The following EML1 variants were observed in gnomAD, a reference collection of about 807,000 sequenced individuals.
EML1 encodes the protein EMAP like 1, also known as echinoderm microtubule-associated protein-like 1.
Under a neutral mutation model 110.4 loss-of-function variants are expected in EML1, and 27 were observed. That is an observed-to-expected ratio of 0.24 (90% confidence interval 0.18 to 0.34). The LOEUF (loss-of-function observed/expected upper bound fraction) is 0.34, where lower values mean the gene tolerates loss of function less well. Among genes scored for constraint, EML1 ranks in the 10% least tolerant of loss-of-function variants. The probability of loss-of-function intolerance (pLI) is 1.00; values close to 1 mark genes in which losing one functional copy is unlikely to be tolerated. For synonymous variants in EML1, 344 were observed against 385.8 expected (o/e 0.89, Z 1.27); for missense variants, 741 against 1,030.9 (o/e 0.72, Z 3.85).
At chr14:99,875,358 G>A (rs1272780141) in intron 3 of EML1, among the ~76,000 whole-genome samples, 1 of 152,166 alleles carries the variant, frequency 6.6e-6, no homozygotes, top group Non-Finnish European at 1.5e-5. Context: ...TGTGAGGTTT[G>A]AATTAAGTAA....
At chr14:99,840,072 C>A (rs2058609300) in intron 1 of EML1, among the ~76,000 whole-genome samples, 1 of 152,110 alleles carries the variant, frequency 6.6e-6, no homozygotes, top group African/African-American at 2.4e-5. Flanking sequence ...TAGGATGACT[C>A]CGAATATGAC....
rs78342422 is a variant in EML1 at position 99,927,146 on chromosome 14, C to T, written c.1909+6269C>T. On this transcript the variant is annotated intron_variant, in intron 17 of 21. Coordinates refer to ENST00000262233, the MANE Select transcript of EML1 (RefSeq NM_004434.3). ...TCATCAGATGGCCAGTTATATGTTC[C>T]AGTTTTCAATTTACTTTTTTTTAAC... Among the ~76,000 whole-genome samples the T allele has an allele frequency of 5.3e-5, 8 of 152,270 alleles. No homozygotes were observed. The East Asian group carries it at 1.5e-3, about 29-fold the overall frequency.
In EML1 at chr14:99,856,718, A is replaced by G. The variant is rs551173664; in HGVS notation, c.250+5683A>G. ...AGTGATTTATAGAAAAGGGTTTAGT[A>G]GATGTTTGTAGTTTTTCAGAGATTA... On this transcript the variant is annotated intron_variant, in intron 2 of 21. Coordinates refer to ENST00000262233, the MANE Select transcript of EML1 (RefSeq NM_004434.3). Among the ~76,000 whole-genome samples the G allele has an allele frequency of 3.9e-5, 6 of 152,296 alleles. No individual in the cohort carries two copies. The East Asian group carries it at 1.2e-3, about 29-fold the overall frequency.
At chr14:99,802,772 AT>A (rs1294076909) in intron 1 of EML1, among the ~76,000 whole-genome samples, 5 of 152,104 alleles carry the variant, frequency 3.3e-5, no homozygotes, top group Non-Finnish European at 5.9e-5. Flanking sequence ...TGGGCTGGAC[AT>A]AACATTTGCG....
chr14:99,755,500 G>A (rs2057238713), intron 1 of EML1, among the ~76,000 whole-genome samples: 1 of 152,144 alleles, frequency 6.6e-6, no homozygotes, highest in Non-Finnish European at 1.5e-5. Flanking sequence ...CAGAAGAGAG[G>A]CTTCCAAGTG....
At chr14:99,891,693 C>G (rs1044802400) in intron 5 of EML1, among the ~76,000 whole-genome samples, 3 of 152,168 alleles carry the variant, frequency 2.0e-5, no homozygotes, top group Non-Finnish European at 1.5e-5. Flanking sequence ...ACTAATAGTT[C>G]ATGTATATCT....
rs141332461 is a variant in EML1, at chr14:99,859,656, C to T, written c.251-5858C>T. Among the ~76,000 whole-genome samples the T allele has an allele frequency of 7.0e-4, 106 of 152,250 alleles. 1 individual carries two copies. The highest frequency in any genetic ancestry group is 2.2e-3 in the African/African-American group (90 of 41,536). ...AGTTCCTTCCCCTCCTCTCCACTAC[C>T]TCCCCCACTCTGCCTTGGTGTAAGC... On this transcript the variant is annotated intron_variant, in intron 2 of 21. Transcript: ENST00000262233.
Position 99,914,766 on chromosome 14 carries a change from G to T in EML1, c.1752+69G>T, listed in dbSNP as rs935433577. 6.6e-6 allele frequency: 10 copies of T among 1,521,208 alleles called. No homozygotes were observed. In the East Asian group the frequency reaches 1.9e-4, roughly 29 times the overall value. 94.2% of individuals were successfully genotyped at this position (1,521,208 alleles called of 1,614,324 possible). ...TCTGGAACATGTTTATTTATTTTTT[G>T]CATGAAATCAACAGTGATACAAAGT... On this transcript the variant is annotated intron_variant, in intron 15 of 21. Transcript: ENST00000262233.
intron 1 of EML1, among the ~76,000 whole-genome samples, chr14:99,824,171 G>A (rs889181546): frequency 1.3e-5 from 2 of 152,006 alleles, no homozygotes; most frequent in East Asian, 3.9e-4. Flanking sequence ...TGTTGGTCTG[G>A]CTGGTCTCAA....
Position 99,940,687 on chromosome 14 carries a change from T to C in EML1, c.*575T>C, listed in dbSNP as rs2060573618. 6.6e-6 allele frequency: 1 copy of C among 152,240 alleles called. No individual in the cohort carries two copies. Among genetic ancestry groups the C allele is most frequent in the Non-Finnish European group, 1.5e-5 (1 of 68,036 alleles). 9.4% of individuals were successfully genotyped at this position (152,240 alleles called of 1,614,324 possible). On this transcript the variant is annotated 3_prime_UTR_variant, in exon 22 of 22. Coordinates refer to ENST00000262233, the MANE Select transcript of EML1 (RefSeq NM_004434.3). Reference sequence around the variant, plus strand: ...CCTTGGGGAGGCTGTGAGAGAGGGCTTGTATCCCTCTTGTGCTAAGCAGAC... The same window carrying C: ...CCTTGGGGAGGCTGTGAGAGAGGGCCTGTATCCCTCTTGTGCTAAGCAGAC...
chr14:99,879,664 A>T (rs1252012590), intron 4 of EML1, among the ~76,000 whole-genome samples: 1 of 152,252 alleles, frequency 6.6e-6, no homozygotes, highest in Non-Finnish European at 1.5e-5. Flanking sequence ...TTAACAATTT[A>T]AAAAACCATT....
intron 2 of EML1, among the ~76,000 whole-genome samples, chr14:99,861,789 G>A (rs545375869): frequency 1.3e-5 from 2 of 152,220 alleles, no homozygotes; most frequent in Non-Finnish European, 2.9e-5. Context: ...GCCTCTGCTA[G>A]CATTTTTAAA....
intron 9 of EML1, 73 bp from the exon 10 acceptor site, chr14:99,907,565 A>G (rs2059872630): frequency 1.5e-6 from 2 of 1,303,522 alleles, no homozygotes; most frequent in Non-Finnish European, 2.2e-6. Context: ...ATGAAATTTG[A>G]TGTTTATTTT....
chr14:99,760,083 CAAAAAAAAAAAAAAA>C (rs61619098), intron 1 of EML1, among the ~76,000 whole-genome samples: 3 of 47,132 alleles, frequency 6.4e-5, no homozygotes, highest in East Asian at 8.3e-4. Context: ...GACTCCCTCT[CAAAAAAAAAAAAAAA>C]AAAAAAAAAA....
In EML1 at chr14:99,879,434, A is replaced by T. The variant is rs371236445; in HGVS notation, c.518+815A>T. Among the ~76,000 whole-genome samples the T allele has an allele frequency of 1.7e-4, 26 of 150,368 alleles. No individual in the cohort carries two copies. In the East Asian group the frequency reaches 5.1e-3, roughly 30 times the overall value. On this transcript the variant is annotated intron_variant, in intron 4 of 21. Coordinates refer to ENST00000262233, the MANE Select transcript of EML1 (RefSeq NM_004434.3). ...GGAATTTCAGCTTCAGAGGCTAAGC[A>T]TGTGTTTTTTTTCCCAAATGTTCAT...
At chr14:99,900,444 C>G (rs562616698) in intron 8 of EML1, among the ~76,000 whole-genome samples, 20 of 152,282 alleles carry the variant, frequency 1.3e-4, no homozygotes, top group African/African-American at 4.8e-4. Flanking sequence ...GCCTCAGCCT[C>G]CCAAAGTGCT....
At chr14:99,822,385 A>G (rs2058279446) in intron 1 of EML1, among the ~76,000 whole-genome samples, 1 of 152,204 alleles carries the variant, frequency 6.6e-6, no homozygotes, top group Non-Finnish European at 1.5e-5. Context: ...TGTTTGAATA[A>G]CAATAGTAAT....
chr14:99,833,412 G>A (rs1169179325), intron 1 of EML1, among the ~76,000 whole-genome samples: 1 of 152,174 alleles, frequency 6.6e-6, no homozygotes, highest in Non-Finnish European at 1.5e-5. Context: ...CTTAAGTTGG[G>A]CAGTGTAAGT....
chr14:99,884,195 C>T (rs2059435791), intron 4 of EML1, among the ~76,000 whole-genome samples: 1 of 152,228 alleles, frequency 6.6e-6, no homozygotes, highest in Admixed American at 6.5e-5. Flanking sequence ...GCATCCCAGA[C>T]TGTTGGAGTT....
Sources: gnomAD v4.1 joint callset for allele counts (sites outside exome capture counted in the v4.1 genomes callset) on GRCh38, gnomAD v4.1.1 for gene constraint, MANE v1.5 for transcripts, NCBI Gene and HGNC (gene_info 2026-07-23, HGNC 2026-07-21) for gene names.